Variants in MAGI2 observed in about 807,000 individuals in gnomAD.
MAGI2 encodes the protein membrane-associated guanylate kinase, WW and PDZ domain-containing protein 2.
MAGI2 carries 35 observed loss-of-function variants against 133.3 expected under a neutral mutation model. That is an observed-to-expected ratio of 0.26 (90% CI 0.20 to 0.35). The LOEUF is 0.35. Among genes scored for constraint, MAGI2 ranks in the 10% least tolerant of loss-of-function variants. The pLI is 1.00. For missense variants in MAGI2, 1,636 were observed against 1,863.4 expected, an observed-to-expected ratio of 0.88 and a Z score of 2.25; for synonymous variants, 729 against 710.6, an observed-to-expected ratio of 1.03 and a Z score of -0.41.
chr7:78,775,585 A>G (rs1481164449), intron 2 of MAGI2, among the ~76,000 whole-genome samples: 1 of 152,054 alleles, frequency 6.6e-6, no homozygotes, highest in Non-Finnish European at 1.5e-5. Flanking sequence ...TTTATCTGTA[A>G]CTGATAACAT....
intron 1 of MAGI2, among the ~76,000 whole-genome samples, chr7:79,074,758 A>T (rs1815314765): frequency 6.6e-6 from 1 of 152,220 alleles, no homozygotes; most frequent in South Asian, 2.1e-4. Flanking sequence ...AACATGCATG[A>T]TGGGAAAGCC....
chr7:78,033,374 G>T (rs1297376640), intron 21 of MAGI2, among the ~76,000 whole-genome samples: 1 of 151,636 alleles, frequency 6.6e-6, no homozygotes, highest in East Asian at 1.9e-4. Context: ...TTGGGAGGTT[G>T]AGGTGGGAGG....
intron 10 of MAGI2, among the ~76,000 whole-genome samples, chr7:78,227,102 C>G (rs941912317): frequency 2.6e-5 from 4 of 152,134 alleles, no homozygotes; most frequent in Non-Finnish European, 4.4e-5. Context: ...TTTGGTGTTT[C>G]TATTCTTTTC....
At chr7:79,357,481 A>G (rs66784949) in intron 1 of MAGI2, among the ~76,000 whole-genome samples, 23,004 of 152,224 alleles carry the variant, frequency 0.15, 1,921 homozygotes, top group East Asian at 0.29. Flanking sequence ...AGTAAGTACC[A>G]TCACTTTAAT....
chr7:79,214,407 C>CTCTCTCTATA (rs1554406633), intron 1 of MAGI2, among the ~76,000 whole-genome samples: 6 of 17,718 alleles, frequency 3.4e-4, no homozygotes, highest in African/African-American at 4.7e-4. Context: ...CTCTCTCTCT[C>CTCTCTCTATA]TATATATATA....
chr7:78,194,486 A>G (rs1036200900), intron 12 of MAGI2, among the ~76,000 whole-genome samples: 1 of 152,160 alleles, frequency 6.6e-6, no homozygotes, highest in Non-Finnish European at 1.5e-5. Context: ...TTAAATGGCT[A>G]TATTCAAGGC....
intron 1 of MAGI2, among the ~76,000 whole-genome samples, chr7:79,370,897 T>C (rs1843006338): frequency 6.6e-6 from 1 of 152,046 alleles, no homozygotes. Context: ...CAAAATAAAA[T>C]GAAATTACTT....
At chr7:79,015,156 T>C (rs1414098067) in intron 1 of MAGI2, among the ~76,000 whole-genome samples, 1 of 152,176 alleles carries the variant, frequency 6.6e-6, no homozygotes, top group Non-Finnish European at 1.5e-5. Context: ...TTTTAAGAAC[T>C]ATAAAGCCAG....
chr7:78,750,502 C>T (rs761012516), intron 2 of MAGI2, among the ~76,000 whole-genome samples: 1 of 152,158 alleles, frequency 6.6e-6, no homozygotes, highest in Non-Finnish European at 1.5e-5. Context: ...GAATTGACAG[C>T]AATTTTTATA....
chr7:78,277,843 A>G (rs1795200463), intron 9 of MAGI2, among the ~76,000 whole-genome samples: 1 of 152,266 alleles, frequency 6.6e-6, no homozygotes, highest in South Asian at 2.1e-4. Flanking sequence ...GTGGCTGTCT[A>G]TCTACTACAT....
chr7:78,491,282 G>A lies in MAGI2; in HGVS notation c.966-1442C>T, dbSNP rs184530468. ...AAGATGAGTAGCAGAAAGCTATTCCGAGGTGTTAAATCACTCTTCAAATAG... is the reference window on the plus strand; with the variant it reads ...AAGATGAGTAGCAGAAAGCTATTCCAAGGTGTTAAATCACTCTTCAAATAG... On this transcript the variant is annotated intron_variant, in intron 5 of 21. Coordinates refer to ENST00000354212, the MANE Select transcript of MAGI2 (RefSeq NM_012301.4). 2.2e-3 allele frequency among the ~76,000 whole-genome samples: 341 copies of A among 152,176 alleles called. 6 individuals carry two copies. Among genetic ancestry groups the A allele is most frequent in the Admixed American group, 0.022 (338 of 15,266 alleles).
intron 9 of MAGI2, among the ~76,000 whole-genome samples, chr7:78,282,618 G>GTAAT (rs1439709425): frequency 2.6e-5 from 4 of 152,052 alleles, no homozygotes; most frequent in Admixed American, 2.6e-4. Flanking sequence ...TTCTGAATAT[G>GTAAT]TAATTTTCTG....
intron 2 of MAGI2, among the ~76,000 whole-genome samples, chr7:78,763,155 C>A (rs1824683470): frequency 6.6e-6 from 1 of 152,168 alleles, no homozygotes; most frequent in African/African-American, 2.4e-5. Flanking sequence ...TAGTTTAATA[C>A]CAATTTCTTT....
intron 1 of MAGI2, among the ~76,000 whole-genome samples, chr7:79,115,545 A>G (rs1819316390): frequency 6.6e-6 from 1 of 152,152 alleles, no homozygotes; most frequent in South Asian, 2.1e-4. Context: ...ATCTGGTGGC[A>G]GCATTTCCTG....
chr7:78,282,918 A>G (rs1227987572), intron 9 of MAGI2, among the ~76,000 whole-genome samples: 1 of 152,174 alleles, frequency 6.6e-6, no homozygotes. Context: ...ACAATGAGCT[A>G]TCAGATTCCA....
At chr7:78,399,402 G>C (rs1583895194) in intron 6 of MAGI2, among the ~76,000 whole-genome samples, 1 of 152,318 alleles carries the variant, frequency 6.6e-6, no homozygotes, top group South Asian at 2.1e-4. Context: ...GCACAAAAAT[G>C]TTTTTGAACA....
At chr7:78,260,409 G>A (rs760954744) in intron 9 of MAGI2, among the ~76,000 whole-genome samples, 3 of 152,188 alleles carry the variant, frequency 2.0e-5, no homozygotes, top group South Asian at 2.1e-4. Flanking sequence ...TACTTAAGAC[G>A]GAGAATTGGA....
intron 9 of MAGI2, among the ~76,000 whole-genome samples, chr7:78,279,526 C>G (rs189504463): frequency 3.3e-5 from 5 of 152,142 alleles, no homozygotes; most frequent in Non-Finnish European, 7.4e-5. Context: ...TGAATGATAG[C>G]CTAAATTCAA....
intron 1 of MAGI2, among the ~76,000 whole-genome samples, chr7:79,337,569 C>G (rs1189115060): frequency 6.6e-6 from 1 of 152,114 alleles, no homozygotes; most frequent in Non-Finnish European, 1.5e-5. Context: ...GAACAAAATT[C>G]CATCAGTCTT....
Sources: allele counts gnomAD v4.1 joint callset (sites outside exome capture counted in the v4.1 genomes callset), GRCh38; gene constraint gnomAD v4.1.1; transcripts MANE v1.5; gene names NCBI Gene and HGNC (gene_info 2026-07-23, HGNC 2026-07-21).